Variants in SEMA3A observed in about 807,000 individuals in gnomAD.
SEMA3A encodes semaphorin-3A.
A neutral mutation model predicts 97.9 loss-of-function variants in SEMA3A; 29 were observed. The ratio of observed to expected loss-of-function variants is 0.30; its 90% confidence interval spans 0.22 to 0.40. The LOEUF is 0.40. SEMA3A is among the 10% of genes least tolerant of loss of function. The probability of loss-of-function intolerance (pLI) is 1.00; values close to 1 mark genes in which losing one functional copy is unlikely to be tolerated. For synonymous variants in SEMA3A, 321 were observed against 323.7 expected (o/e 0.99, Z 0.09); for missense variants, 763 against 951.3 (o/e 0.80, Z 2.60).
chr7:84,042,563 A>G (rs1279176220), intron 6 of SEMA3A, among the ~76,000 whole-genome samples: 1 of 152,084 alleles, frequency 6.6e-6, no homozygotes, highest in East Asian at 1.9e-4. Flanking sequence ...TCAGATAATT[A>G]GCATTTATTA....
intron 2 of SEMA3A, among the ~76,000 whole-genome samples, chr7:84,308,011 T>C (rs1801206698): frequency 6.6e-6 from 1 of 151,958 alleles, no homozygotes; most frequent in African/African-American, 2.4e-5. Context: ...AAAAGTAAAA[T>C]TTGGTGAAAA....
chr7:84,150,433 G>A (rs1173145682), intron 1 of SEMA3A, among the ~76,000 whole-genome samples: 8 of 152,226 alleles, frequency 5.3e-5, no homozygotes, highest in Admixed American at 3.3e-4. Context: ...CTCGGGAAGC[G>A]CAAGGGGTCC....
At chr7:83,983,339 A>G (rs28615284) in intron 13 of SEMA3A, among the ~76,000 whole-genome samples, 42,212 of 151,752 alleles carry the variant, frequency 0.28, 6,880 homozygotes, top group Non-Finnish European at 0.38. Flanking sequence ...GGATGTGTCA[A>G]TCCATACATT....
At chr7:84,155,797 T>A (rs966639060) in intron 1 of SEMA3A, among the ~76,000 whole-genome samples, 2 of 152,178 alleles carry the variant, frequency 1.3e-5, no homozygotes, top group African/African-American at 2.4e-5. Context: ...CAAAGTAATA[T>A]AATTTTCAGA....
chr7:84,086,530 TTATTA>T (rs1310497825), intron 4 of SEMA3A, among the ~76,000 whole-genome samples: 2 of 60,398 alleles, frequency 3.3e-5, no homozygotes, highest in South Asian at 4.0e-4. Flanking sequence ...ATATAATATA[TTATTA>T]TATTATATTT....
chr7:84,326,442 G>A (rs1453197665), intron 2 of SEMA3A, among the ~76,000 whole-genome samples: 1 of 151,942 alleles, frequency 6.6e-6, no homozygotes, highest in Non-Finnish European at 1.5e-5. Context: ...AAACCTATGG[G>A]TAAATCACAG....
chr7:84,416,383 T>A (rs927397338), intron 1 of SEMA3A, among the ~76,000 whole-genome samples: 23 of 152,116 alleles, frequency 1.5e-4, no homozygotes, highest in African/African-American at 5.6e-4. Flanking sequence ...GAACTGTAAG[T>A]CCAATTAAAC....
intron 1 of SEMA3A, among the ~76,000 whole-genome samples, chr7:84,153,833 A>C (rs191874841): frequency 3.5e-4 from 53 of 152,256 alleles, no homozygotes; most frequent in Non-Finnish European, 7.4e-4. Flanking sequence ...AAAAGTTAAA[A>C]ATATTTCCTA....
intron 3 of SEMA3A, among the ~76,000 whole-genome samples, chr7:84,305,314 T>C (rs912301169): frequency 6.6e-6 from 1 of 151,806 alleles, no homozygotes; most frequent in African/African-American, 2.4e-5. Flanking sequence ...CCAGATATTT[T>C]CCAACCAATT....
In SEMA3A at chr7:84,150,765, G is replaced by C. The variant is rs565610485; in HGVS notation, c.113-15814C>G. ...AGCTCAAGGAGGCCTGCCTGCCTCT[G>C]TAGGCTCCACCTCTGGGGGCAGGGC... On this transcript the variant is annotated intron_variant, in intron 1 of 16. Coordinates refer to ENST00000265362, the MANE Select transcript of SEMA3A (RefSeq NM_006080.3). 1.1e-4 allele frequency among the ~76,000 whole-genome samples: 16 copies of C among 152,218 alleles called. 1 individual carries two copies. The highest frequency in any genetic ancestry group is 7.8e-4 in the Admixed American group (12 of 15,290).
intron 1 of SEMA3A, among the ~76,000 whole-genome samples, chr7:84,390,257 C>A (rs974840721): frequency 3.3e-5 from 5 of 150,736 alleles, no homozygotes; most frequent in Non-Finnish European, 7.4e-5. Flanking sequence ...ATCCCAATGC[C>A]GTTATGGTAG....
intron 1 of SEMA3A, among the ~76,000 whole-genome samples, chr7:84,395,019 C>G (rs1803686604): frequency 6.6e-6 from 1 of 151,994 alleles, no homozygotes; most frequent in Non-Finnish European, 1.5e-5. Flanking sequence ...AAGATAAAGC[C>G]TTGGACATGC....
chr7:84,241,583 T>C (rs1799365946), intron 3 of SEMA3A, among the ~76,000 whole-genome samples: 1 of 152,170 alleles, frequency 6.6e-6, no homozygotes, highest in Non-Finnish European at 1.5e-5. Context: ...ATAGTTTTTT[T>C]GTTTGTGTTT....
chr7:84,321,798 C>G (rs907248368), intron 2 of SEMA3A, among the ~76,000 whole-genome samples: 1 of 139,932 alleles, frequency 7.1e-6, no homozygotes, highest in Admixed American at 7.7e-5. Context: ...ATCGTGTGAA[C>G]CGGGGAGGCA....
intron 12 of SEMA3A, among the ~76,000 whole-genome samples, chr7:83,995,805 G>A (rs1001538262): frequency 2.6e-5 from 4 of 152,130 alleles, no homozygotes; most frequent in Admixed American, 6.5e-5. Flanking sequence ...CACTTGCAAA[G>A]CTTTTCAACC....
chr7:84,429,503 AAT>A (rs1308076047), intron 1 of SEMA3A, among the ~76,000 whole-genome samples: 1 of 84,064 alleles, frequency 1.2e-5, no homozygotes, highest in Admixed American at 1.5e-4. Flanking sequence ...GCATTAGTAA[AAT>A]ATAGAGTTTG....
At chr7:84,061,709 T>C (rs944437242) in intron 4 of SEMA3A, among the ~76,000 whole-genome samples, 14 of 152,308 alleles carry the variant, frequency 9.2e-5, no homozygotes, top group African/African-American at 2.9e-4. Flanking sequence ...TTTCAAATTA[T>C]TACTCTTAAA....
chr7:84,015,300 G>A (rs368824361), intron 6 of SEMA3A, among the ~76,000 whole-genome samples: 1 of 152,040 alleles, frequency 6.6e-6, no homozygotes, highest in East Asian at 1.9e-4. Context: ...AGCTTAAAAC[G>A]TGATAGGCAG....
intron 2 of SEMA3A, among the ~76,000 whole-genome samples, chr7:84,315,182 G>C (rs188970556): frequency 7.2e-5 from 11 of 152,184 alleles, no homozygotes; most frequent in African/African-American, 2.4e-4. Flanking sequence ...AATGTAATCA[G>C]TAAATTTGTC....
Sources: allele counts gnomAD v4.1 joint callset (sites outside exome capture counted in the v4.1 genomes callset), GRCh38; gene constraint gnomAD v4.1.1; transcripts MANE v1.5; gene names NCBI Gene and HGNC (gene_info 2026-07-23, HGNC 2026-07-21).